Variants in IST1 observed in about 807,000 individuals in gnomAD.
IST1 encodes the protein IST1 homolog.
Under a neutral mutation model 37.0 loss-of-function variants are expected in IST1, and 23 were observed. The observed-to-expected ratio is 0.62, with a 90% CI of 0.45 to 0.88. IST1 has a LOEUF of 0.88. IST1 is among the 40% of genes least tolerant of loss of function. The probability of loss-of-function intolerance (pLI) is 0.00; values close to 1 mark genes in which losing one functional copy is unlikely to be tolerated. For synonymous variants in IST1, 180 were observed against 161.7 expected (o/e 1.11, Z -0.86); for missense variants, 488 against 445.4 (o/e 1.10, Z -0.86).
chr16:71,915,563 G>A (rs977794728), intron 1 of IST1, 63 bp from the exon 2 acceptor site: 1 of 1,041,908 alleles, frequency 9.6e-7, no homozygotes, highest in Non-Finnish European at 1.5e-6. Context: ...TCACCCCTAA[G>A]AGGTGTTAGT....
Position 71,924,273 on chromosome 16 carries a change from C to G in IST1, c.853-496C>G, listed in dbSNP as rs901496749. 7.6e-5 allele frequency: 33 copies of G among 433,100 alleles called. No homozygotes were observed. In the Admixed American group the frequency reaches 8.3e-4, roughly 11 times the overall value. The allele number at this position is 433,100 out of a possible 1,614,324, so 26.8% of individuals were successfully genotyped here. On this transcript the variant is annotated intron_variant, in intron 8 of 9. Coordinates refer to ENST00000378799, the MANE Select transcript of IST1 (RefSeq NM_001270975.2). ...AAGGTGAAAGTATCATTAAAGTTGT[C>G]TTAGTATGGTAAGGATTTTTTTTTC...
rs764868717 is a variant in IST1, at chr16:71,921,369, C to T, written c.468C>T (p.Ala156=). Residue 156 remains alanine, a synonymous_variant, in exon 6 of 10, where the codon GCC becomes GCT. Transcript: ENST00000378799. ...DRLMHKLSVE[A]PPKILVERYL... is the part of the protein sequence containing the mutation. The stretch of plus-strand genomic sequence containing the variant: ...TAATGCACAAGCTGAGTGTGGAAGC[C>T]CCACCCAAAATCCTGGTGGAGAGAT... 6.2e-7 allele frequency: 1 copy of T among 1,612,634 alleles called. No individual in the cohort carries two copies. The highest frequency in any genetic ancestry group is 8.5e-7 in the Non-Finnish European group (1 of 1,179,264).
At chr16:71,914,916 C>G (rs1252792138) in intron 1 of IST1, among the ~76,000 whole-genome samples, 1 of 152,170 alleles carries the variant, frequency 6.6e-6, no homozygotes, top group Non-Finnish European at 1.5e-5. Context: ...ACCCTAAAGT[C>G]TTGCGGGTAG....
chr16:71,927,790 G>C lies in IST1; in HGVS notation c.1078G>C (p.Glu360Gln). The change falls in exon 10 of 10, where the codon GAA becomes CAA. Residue 360 changes from glutamate (E) to glutamine (Q), a missense_variant. Coordinates refer to ENST00000378799, the MANE Select transcript of IST1 (RefSeq NM_001270975.2). Reference protein sequence around the residue: ...IDFDDLSRRFEELKKKT With the variant: ...IDFDDLSRRFQELKKKT ...CTTTGATGATCTTTCCCGGAGGTTT[G>C]AAGAGCTGAAAAAGAAAACATAGGT... 1 of 1,614,030 alleles carries C rather than the reference G, an allele frequency of 6.2e-7. No homozygotes were observed.
At chr16:71,924,960 G>T in intron 9 of IST1, 143 bp downstream of exon 9, 1 of 612,300 alleles carries the variant, frequency 1.6e-6, no homozygotes, top group Non-Finnish European at 2.9e-6. Flanking sequence ...TGCTAAAATA[G>T]AACTCAGGAT....
chr16:71,895,162 G>A (rs558198598), upstream of IST1: 25 of 255,596 alleles, frequency 9.8e-5, no homozygotes, highest in Non-Finnish European at 1.8e-4. Context: ...CGTCAGAGAG[G>A]CGGTACTGGC....
At position 71,911,069 on chromosome 16, in the gene IST1, GTC is replaced by G. The variant is rs2037343281; in HGVS notation, c.-15-4553_-15-4552del. Among the ~76,000 whole-genome samples, 10 of 152,112 alleles carry G rather than the reference GTC, an allele frequency of 6.6e-5. No homozygotes were observed. In the South Asian group the frequency reaches 2.1e-3, roughly 32 times the overall value. On this transcript the variant is annotated intron_variant, in intron 1 of 9. Coordinates refer to ENST00000378799, the MANE Select transcript of IST1 (RefSeq NM_001270975.2). ...AGCGTGTCCAACATGGTGAAACCCC[GTC>G]TCTACTAAAAATACAAAAAATTAGC...
chr16:71,913,563 T>G (rs1160020746), intron 1 of IST1, among the ~76,000 whole-genome samples: 1 of 152,182 alleles, frequency 6.6e-6, no homozygotes, highest in South Asian at 2.1e-4. Context: ...TACTGTGGTG[T>G]GATCTTGGCT....
In IST1 at chr16:71,930,579, G is replaced by C. The variant is rs1245793795; in HGVS notation, c.*2766G>C. The C allele has an allele frequency of 6.5e-6, 1 of 154,896 alleles. No individual in the cohort carries two copies. The highest frequency in any genetic ancestry group is 1.4e-5 in the Non-Finnish European group (1 of 70,038). 9.6% of individuals were successfully genotyped at this position (154,896 alleles called of 1,614,324 possible). ...ATGCACACTGTCTCTGCCATATCAAGAAACTACAACCCTAAACACAGGAGC... is the reference window on the plus strand; with the variant it reads ...ATGCACACTGTCTCTGCCATATCAACAAACTACAACCCTAAACACAGGAGC... On this transcript the variant is annotated 3_prime_UTR_variant, in exon 10 of 10. Coordinates refer to ENST00000378799, the MANE Select transcript of IST1 (RefSeq NM_001270975.2).
chr16:71,903,355 GTTACATATATA>G, intron 1 of IST1: 1 of 151,832 alleles, frequency 6.6e-6, no homozygotes, highest in East Asian at 1.9e-4. Context: ...CCACAAATTC[GTTACATATATA>G]TATTTTTTTT....
chr16:71,922,674 G>A lies in IST1; in HGVS notation c.753G>A (p.Lys251=). The part of the protein sequence containing the change: ...ANTPFSYPLP[K]GPSDFNGLPM... ...CGCCTTTCTCATATCCACTGCCAAA[G>A]GGACCAGTAAGTATATATAAGTGTG... is the stretch of plus-strand genomic sequence containing the variant. The change falls in exon 7 of 10, where the codon AAG becomes AAA. Residue 251 remains lysine, a synonymous_variant. Coordinates refer to ENST00000378799, the MANE Select transcript of IST1 (RefSeq NM_001270975.2). The A allele has an allele frequency of 6.6e-7, 1 of 1,514,838 alleles. No individual in the cohort carries two copies. The highest frequency in any genetic ancestry group is 2.5e-5 in the East Asian group (1 of 40,426). 93.8% of individuals were successfully genotyped at this position (1,514,838 alleles called of 1,614,324 possible).
rs989743979 is a variant in IST1 at position 71,897,440 on chromosome 16, A to G, written c.-16+1851A>G. On this transcript the variant is annotated intron_variant, in intron 1 of 9. Coordinates refer to ENST00000378799, the MANE Select transcript of IST1 (RefSeq NM_001270975.2). The stretch of plus-strand genomic sequence containing the variant: ...CTTCTAAATTATCAGGAGCTCCAGA[A>G]TCTCCATCTCTAGTTTGTTTGATTT... 5.3e-5 allele frequency among the ~76,000 whole-genome samples: 8 copies of G among 152,152 alleles called. No homozygotes were observed. The East Asian group carries it at 1.3e-3, about 26-fold the overall frequency.
rs2037788644 is a variant in IST1, at chr16:71,927,888, A to G, written c.*75A>G. 1.0e-5 allele frequency: 11 copies of G among 1,051,708 alleles called. No homozygotes were observed. Among genetic ancestry groups the G allele is most frequent in the South Asian group, 6.5e-5 (5 of 76,614 alleles). 65.1% of individuals were successfully genotyped at this position (1,051,708 alleles called of 1,614,324 possible). Reference sequence around the variant, plus strand: ...TTTCTCCTTGTAACAAAGAATCTCCATGAAATTCTGTTTCATCTGTTAACC... The same window carrying G: ...TTTCTCCTTGTAACAAAGAATCTCCGTGAAATTCTGTTTCATCTGTTAACC... On this transcript the variant is annotated 3_prime_UTR_variant, in exon 10 of 10. Coordinates refer to ENST00000378799, the MANE Select transcript of IST1 (RefSeq NM_001270975.2).
At chr16:71,926,552 T>A (rs1262605213) in intron 9 of IST1, among the ~76,000 whole-genome samples, 1 of 151,912 alleles carries the variant, frequency 6.6e-6, no homozygotes, top group Non-Finnish European at 1.5e-5. Context: ...TTCACCATGT[T>A]AGCCAGGATG....
rs2037894157 is a variant in IST1, at chr16:71,930,288, T to C, written c.*2475T>C. On this transcript the variant is annotated 3_prime_UTR_variant, in exon 10 of 10. Transcript: ENST00000378799. ...GGGATCTTATCAGAAGAAAAGCTTA[T>C]CCGAAGGAAACTTAGGGAGAGAGTC... is the stretch of plus-strand genomic sequence containing the variant. 8.2e-7 allele frequency: 1 copy of C among 1,219,538 alleles called. No individual in the cohort carries two copies. Among genetic ancestry groups the C allele is most frequent in the Non-Finnish European group, 1.1e-6 (1 of 922,410 alleles). 75.5% of individuals were successfully genotyped at this position (1,219,538 alleles called of 1,614,324 possible). A position where few individuals can be genotyped will look rare whatever the true frequency, so the allele number is the denominator to read the frequency against.
chr16:71,931,051 A>AT lies in IST1; in HGVS notation c.*3243dup. On this transcript the variant is annotated 3_prime_UTR_variant, in exon 10 of 10. Coordinates refer to ENST00000378799, the MANE Select transcript of IST1 (RefSeq NM_001270975.2). ...TACAAGACTTATTTCCAATAAGTTT[A>AT]TTTTTATGTACAATTTTACTGTTTA... 1 of 151,950 alleles carries AT rather than the reference A, an allele frequency of 6.6e-6. No individual in the cohort carries two copies. 9.4% of individuals were successfully genotyped at this position (151,950 alleles called of 1,614,324 possible).
chr16:71,902,927 T>A (rs2037140715), intron 1 of IST1, among the ~76,000 whole-genome samples: 1 of 152,164 alleles, frequency 6.6e-6, no homozygotes, highest in African/African-American at 2.4e-5. Flanking sequence ...TGTTTTTGCT[T>A]ACTTTGGTTT....
chr16:71,911,710 ATTT>A (rs550809762), intron 1 of IST1, among the ~76,000 whole-genome samples: 318 of 90,886 alleles, frequency 3.5e-3, no homozygotes, highest in East Asian at 0.01. Flanking sequence ...TTAAACTTCG[ATTT>A]TTTTTTTTTT....
chr16:71,924,579 C>T (rs909148156), intron 8 of IST1, 190 bp from the exon 9 acceptor site: 3 of 605,442 alleles, frequency 5.0e-6, no homozygotes, highest in Admixed American at 5.7e-5. Flanking sequence ...TGACAGGAGA[C>T]CCTGTCTCAA....
Sources: gnomAD v4.1 joint callset for allele counts (sites outside exome capture counted in the v4.1 genomes callset) on GRCh38, gnomAD v4.1.1 for gene constraint, MANE v1.5 for transcripts, NCBI Gene and HGNC (gene_info 2026-07-23, HGNC 2026-07-21) for gene names.